RBM42: variants seen among roughly 807,000 people sequenced by gnomAD.
RBM42 encodes the protein RNA binding motif protein 42.
A neutral mutation model predicts 41.4 loss-of-function variants in RBM42; 21 were observed. That is an observed-to-expected ratio of 0.51 (90% CI 0.36 to 0.73). The LOEUF (loss-of-function observed/expected upper bound fraction) is 0.73, where lower values mean the gene tolerates loss of function less well. Ranked by LOEUF, RBM42 falls within the 30% of genes least tolerant of loss-of-function variation. The pLI is 0.00. For missense variants in RBM42, 539 were observed against 680.4 expected (o/e 0.79, Z 2.31); for synonymous variants, 272 against 271.2 (o/e 1.00, Z -0.03).
chr19:35,633,270 A>G lies in RBM42; in HGVS notation c.684+18A>G. 1 of 1,544,978 alleles carries G rather than the reference A, an allele frequency of 6.5e-7. No homozygotes were observed. The highest frequency in any genetic ancestry group is 8.7e-7 in the Non-Finnish European group (1 of 1,148,718). ...CCCCTCTGGTGAGTGTGAACAGGGA[A>G]CTAACGGTCAGATGTGCGGTGGACG... On this transcript the variant is annotated intron_variant, in intron 6 of 9. Transcript: ENST00000262633.
chr19:35,634,158 C>T (rs148210928), intron 7 of RBM42, 98 bp from the exon 8 acceptor site: 26,782 of 1,555,830 alleles, frequency 0.017, 315 homozygotes, highest in Middle Eastern at 0.031. Context: ...TCCAGAAGCA[C>T]ATCCAGCCCT....
chr19:35,630,701 G>C (rs890881427), intron 2 of RBM42, among the ~76,000 whole-genome samples: 2 of 152,204 alleles, frequency 1.3e-5, no homozygotes, highest in Non-Finnish European at 1.5e-5. Flanking sequence ...AGGAGGCGGA[G>C]GTTGCAGTGA....
intron 2 of RBM42, among the ~76,000 whole-genome samples, chr19:35,630,753 G>A (rs1599605260): frequency 1.3e-5 from 2 of 152,226 alleles, no homozygotes; most frequent in African/African-American, 2.4e-5. Flanking sequence ...ACAATAGAGC[G>A]AGACTCCGTC....
chr19:35,634,053 G>T (rs984302080), intron 7 of RBM42, 34 bp downstream of exon 7: 7 of 1,467,652 alleles, frequency 4.8e-6, no homozygotes, highest in Non-Finnish European at 5.4e-6. Context: ...AGGGACAGAA[G>T]GGACGGGGGG....
intron 6 of RBM42, 146 bp downstream of exon 6, chr19:35,633,398 C>G (rs966127933): frequency 6.7e-6 from 5 of 745,870 alleles, no homozygotes; most frequent in African/African-American, 1.8e-5. Context: ...CTGTCTCTTT[C>G]TGCATCTTTC....
In RBM42 at chr19:35,632,986, G is replaced by C. The variant is rs772506401; in HGVS notation, c.493G>C (p.Val165Leu). The change falls in exon 5 of 10, where the codon GTG (valine) becomes CTG (leucine). Residue 165 changes from valine to leucine, a missense_variant. Coordinates refer to ENST00000262633, the MANE Select transcript of RBM42 (RefSeq NM_024321.5). ...CCTGCGTCCAGCCTTCGTCCCCCAC[G>C]TGCTACAGAGAGCAGGTGAGGGGCC... ...PILRPAFVPH[V>L]LQRADSALSS... is the part of the protein sequence containing the mutation. The C allele has an allele frequency of 6.2e-6, 10 of 1,609,042 alleles. No individual in the cohort carries two copies. The highest frequency in any genetic ancestry group is 1.1e-5 in the South Asian group (1 of 90,946).
rs1260552191 is a variant in RBM42, at chr19:35,629,038, T to G, written c.-116T>G. The G allele has an allele frequency of 4.3e-6, 6 of 1,406,912 alleles. No individual in the cohort carries two copies. Among genetic ancestry groups the G allele is most frequent in the Middle Eastern group, 5.1e-4 (2 of 3,888 alleles). The allele number at this position is 1,406,912 out of a possible 1,614,324, so 87.2% of individuals were successfully genotyped here. On this transcript the variant is annotated 5_prime_UTR_variant, in exon 1 of 10. Coordinates refer to ENST00000262633, the MANE Select transcript of RBM42 (RefSeq NM_024321.5). ...GACGTCATGCGCCAGCGCCCGTCGC[T>G]TTTGCTGGACGTCATCCTCGGGAGC...
rs138834374 is a variant in RBM42 at position 35,632,713 on chromosome 19, C to A, written c.443-223C>A. Among the ~76,000 whole-genome samples, 67 of 152,232 alleles carry A rather than the reference C, an allele frequency of 4.4e-4. No individual in the cohort carries two copies. In the East Asian group the frequency reaches 0.011, roughly 25 times the overall value. The stretch of plus-strand genomic sequence containing the variant: ...AACCCTGGGTCTGTTGGTGTGTCCC[C>A]AGCATTGCCTGCCACAGGGCTGAGC... On this transcript the variant is annotated intron_variant, in intron 4 of 9. Coordinates refer to ENST00000262633, the MANE Select transcript of RBM42 (RefSeq NM_024321.5).
chr19:35,630,372 A>G (rs1967385647), intron 2 of RBM42, among the ~76,000 whole-genome samples: 2 of 151,892 alleles, frequency 1.3e-5, no homozygotes, highest in African/African-American at 4.8e-5. Context: ...TGTTCAAGGA[A>G]CAGCAAGGAG....
At position 35,629,164 on chromosome 19, in the gene RBM42, C is replaced by A; in HGVS notation, c.11C>A (p.Ala4Glu). The A allele has an allele frequency of 6.6e-7, 1 of 1,521,642 alleles. No individual in the cohort carries two copies. The highest frequency in any genetic ancestry group is 2.2e-5 in the Admixed American group (1 of 44,836). The allele number at this position is 1,521,642 out of a possible 1,614,324, so 94.3% of individuals were successfully genotyped here. Residue 4 changes from alanine to glutamate, a missense_variant, in exon 1 of 10, where the codon GCG becomes GAG. Ala to Glu is a moderately radical substitution (Grantham distance 107, BLOSUM62 -1). Transcript: ENST00000262633. MAG[A>E]GPAPGLPGAG... is the part of the protein sequence containing the mutation. Reference sequence around the variant, plus strand: ...GCGACGACGGCAGCGATGGCTGGGGCGGGGCCAGCCCCGGGACTCCCGGGT... The same window carrying A: ...GCGACGACGGCAGCGATGGCTGGGGAGGGGCCAGCCCCGGGACTCCCGGGT...
rs1967400920 is a variant in RBM42 at position 35,631,314 on chromosome 19, C to T, written c.368-17C>T. ...AGGACTCTCCTCCCACCATCCTTGCCTCTCCCCTCCCAACAGTTGGCTTTG... is the reference window on the plus strand; with the variant it reads ...AGGACTCTCCTCCCACCATCCTTGCTTCTCCCCTCCCAACAGTTGGCTTTG... On this transcript the variant is annotated splice_polypyrimidine_tract_variant and intron_variant, in intron 3 of 9. Transcript: ENST00000262633. The T allele has an allele frequency of 6.2e-7, 1 of 1,614,090 alleles. No individual in the cohort carries two copies. Among genetic ancestry groups the T allele is most frequent in the African/African-American group, 1.3e-5 (1 of 75,042 alleles).
intron 8 of RBM42, among the ~76,000 whole-genome samples, chr19:35,635,582 A>G (rs1967483405): frequency 6.6e-6 from 1 of 150,620 alleles, no homozygotes; most frequent in Non-Finnish European, 1.5e-5. Context: ...CAGTGGCGCA[A>G]TCTCGGCAGC....
intron 2 of RBM42, among the ~76,000 whole-genome samples, chr19:35,630,181 G>C (rs1357839852): frequency 6.6e-6 from 1 of 152,036 alleles, no homozygotes; most frequent in Non-Finnish European, 1.5e-5. Flanking sequence ...GGGTGTGGTG[G>C]CACGTGCCTG....
intron 8 of RBM42, among the ~76,000 whole-genome samples, chr19:35,636,828 G>C (rs533400447): frequency 6.6e-6 from 1 of 152,084 alleles, no homozygotes; most frequent in Non-Finnish European, 1.5e-5. Context: ...GGGGTGGGGA[G>C]GGCAGTGCAG....
chr19:35,630,562 T>C (rs890375688), intron 2 of RBM42, among the ~76,000 whole-genome samples: 41 of 152,006 alleles, frequency 2.7e-4, no homozygotes, highest in African/African-American at 9.4e-4. Context: ...GGTCAGGAGT[T>C]CAAGACCAAC....
chr19:35,631,428 C>T, intron 4 of RBM42, 23 bp downstream of exon 4: 2 of 1,610,612 alleles, frequency 1.2e-6, no homozygotes, highest in Non-Finnish European at 1.7e-6. Flanking sequence ...CCAGGGACCC[C>T]CACATTTAAT....
At chr19:35,634,727 T>C (rs957351550) in intron 8 of RBM42, among the ~76,000 whole-genome samples, 5 of 150,830 alleles carry the variant, frequency 3.3e-5, no homozygotes. Context: ...GGCGCAATCT[T>C]GGCTCACTGC....
chr19:35,636,357 A>C (rs1967498801), intron 8 of RBM42, among the ~76,000 whole-genome samples: 1 of 151,802 alleles, frequency 6.6e-6, no homozygotes, highest in South Asian at 2.1e-4. Context: ...ATGGAGTTTC[A>C]CCATGTTGGT....
At position 35,630,053 on chromosome 19, in the gene RBM42, C is replaced by T. The variant is rs369119899; in HGVS notation, c.282+380C>T. ...GCTGGGCGCTGGGCGTGGTGGCTCA[C>T]ACCTGTAATCCCAGCACTTTGGGAG... On this transcript the variant is annotated intron_variant, in intron 2 of 9. Transcript: ENST00000262633. Among the ~76,000 whole-genome samples, 551 of 152,296 alleles carry T rather than the reference C, an allele frequency of 3.6e-3. 4 individuals carry two copies. Among genetic ancestry groups the T allele is most frequent in the Middle Eastern group, 0.014 (4 of 294 alleles).
Sources: allele counts gnomAD v4.1 joint callset (sites outside exome capture counted in the v4.1 genomes callset), GRCh38; gene constraint gnomAD v4.1.1; transcripts MANE v1.5; gene names NCBI Gene and HGNC (gene_info 2026-07-23, HGNC 2026-07-21).